PPP3CA: variants seen among roughly 807,000 people sequenced by gnomAD.
PPP3CA encodes CAM-PRP catalytic subunit.
PPP3CA carries 14 observed loss-of-function variants against 66.5 expected under a neutral mutation model. That is an observed-to-expected ratio of 0.21 (90% CI 0.14 to 0.33). The LOEUF is 0.33. PPP3CA is among the 10% of genes least tolerant of loss of function. The pLI is 1.00. For synonymous variants in PPP3CA, 232 were observed against 226.2 expected (o/e 1.03, Z -0.23); for missense variants, 317 against 639.5 (o/e 0.50, Z 5.44).
At chr4:101,167,088 A>G (rs1456462818) in intron 2 of PPP3CA, among the ~76,000 whole-genome samples, 1 of 152,190 alleles carries the variant, frequency 6.6e-6, no homozygotes, top group African/African-American at 2.4e-5. Context: ...TTAACTAAAC[A>G]TGTTGGCATC....
chr4:101,105,475 TAA>T (rs200799334), intron 3 of PPP3CA, among the ~76,000 whole-genome samples: 2 of 141,712 alleles, frequency 1.4e-5, no homozygotes, highest in African/African-American at 2.6e-5. Context: ...CATCTTTACT[TAA>T]AAAAAAAAAA....
At chr4:101,230,194 T>C (rs1159342888) in intron 1 of PPP3CA, among the ~76,000 whole-genome samples, 1 of 151,638 alleles carries the variant, frequency 6.6e-6, no homozygotes, top group African/African-American at 2.4e-5. Flanking sequence ...TAGTCATACG[T>C]CTAGAAATTT....
intron 2 of PPP3CA, among the ~76,000 whole-genome samples, chr4:101,164,004 G>A (rs1009782832): frequency 9.7e-5 from 3 of 30,922 alleles, no homozygotes; most frequent in Non-Finnish European, 1.8e-4. Context: ...TTTTAGAGAC[G>A]AGGTCTTGCT....
chr4:101,199,732 A>G (rs918158646), intron 1 of PPP3CA, among the ~76,000 whole-genome samples: 3 of 152,220 alleles, frequency 2.0e-5, no homozygotes, highest in Admixed American at 2.0e-4. Flanking sequence ...TTGACTGTGG[A>G]AATCCGGCAG....
intron 1 of PPP3CA, among the ~76,000 whole-genome samples, chr4:101,240,117 T>C (rs1016699050): frequency 6.6e-6 from 1 of 152,010 alleles, no homozygotes; most frequent in East Asian, 1.9e-4. Context: ...TTTATTGCTA[T>C]AGTTCTGCAC....
At chr4:101,027,692 T>C (rs979511657) in intron 13 of PPP3CA, among the ~76,000 whole-genome samples, 3 of 152,180 alleles carry the variant, frequency 2.0e-5, no homozygotes, top group African/African-American at 7.2e-5. Flanking sequence ...TAAAAGTTTG[T>C]CATCATTATC....
chr4:101,230,015 CTAGA>C (rs1393421142), intron 1 of PPP3CA, among the ~76,000 whole-genome samples: 1 of 151,590 alleles, frequency 6.6e-6, no homozygotes, highest in Non-Finnish European at 1.5e-5. Context: ...AGAGAGGTGG[CTAGA>C]TAAATACAGT....
intron 3 of PPP3CA, among the ~76,000 whole-genome samples, chr4:101,106,450 A>AG (rs1553925317): frequency 0.019 from 209 of 11,112 alleles, 67 homozygotes; most frequent in African/African-American, 0.08. Context: ...AGAAAGAAAG[A>AG]AAGAGAAAAG....
intron 1 of PPP3CA, among the ~76,000 whole-genome samples, chr4:101,253,803 G>A (rs1386311285): frequency 1.3e-5 from 2 of 151,928 alleles, no homozygotes; most frequent in East Asian, 3.9e-4. Context: ...GAAATGTGTG[G>A]ATATATGAAC....
intron 1 of PPP3CA, among the ~76,000 whole-genome samples, chr4:101,253,856 T>C (rs1726754762): frequency 6.6e-6 from 1 of 151,928 alleles, no homozygotes; most frequent in Admixed American, 6.6e-5. Flanking sequence ...CGATGCTCCT[T>C]AGAAAAGTAG....
intron 2 of PPP3CA, among the ~76,000 whole-genome samples, chr4:101,125,267 C>T (rs1164307226): frequency 6.6e-6 from 1 of 152,202 alleles, no homozygotes; most frequent in Non-Finnish European, 1.5e-5. Context: ...TGGATCTGAG[C>T]TTAAAGGAAG....
chr4:101,095,245 C>T (rs538296304), intron 5 of PPP3CA, among the ~76,000 whole-genome samples: 11 of 152,046 alleles, frequency 7.2e-5, no homozygotes, highest in Non-Finnish European at 1.6e-4. Context: ...TACAGAACTT[C>T]TTTCTGAAAA....
intron 8 of PPP3CA, among the ~76,000 whole-genome samples, chr4:101,068,804 G>T (rs1728788545): frequency 6.6e-6 from 1 of 152,038 alleles, no homozygotes; most frequent in Admixed American, 6.6e-5. Flanking sequence ...TCATGATGGT[G>T]ACAGTATTTG....
At chr4:101,044,254 T>C (rs564983286) in intron 10 of PPP3CA, among the ~76,000 whole-genome samples, 1 of 152,314 alleles carries the variant, frequency 6.6e-6, no homozygotes, top group East Asian at 1.9e-4. Context: ...TCATTAAAAC[T>C]CTTTTTCAAA....
intron 2 of PPP3CA, among the ~76,000 whole-genome samples, chr4:101,185,807 C>T (rs1316977657): frequency 6.6e-6 from 1 of 152,128 alleles, no homozygotes; most frequent in East Asian, 1.9e-4. Context: ...AGGGTCATGG[C>T]CTTAGAACCA....
intron 1 of PPP3CA, among the ~76,000 whole-genome samples, chr4:101,319,624 A>G (rs1042417720): frequency 1.3e-5 from 2 of 152,134 alleles, no homozygotes; most frequent in South Asian, 2.1e-4. Flanking sequence ...ATTCCTTTCA[A>G]TAAGAATCAG....
chr4:101,253,180 G>GA (rs2110246800), intron 1 of PPP3CA, among the ~76,000 whole-genome samples: 1 of 152,278 alleles, frequency 6.6e-6, no homozygotes, highest in East Asian at 1.9e-4. Context: ...ATTTAATGAA[G>GA]TTATTCATGT....
intron 1 of PPP3CA, among the ~76,000 whole-genome samples, chr4:101,344,775 G>A (rs964100434): frequency 1.3e-5 from 2 of 152,166 alleles, no homozygotes; most frequent in Non-Finnish European, 2.9e-5. Flanking sequence ...CCTACATTAA[G>A]AATCCACATC....
chr4:101,190,754 T>G (rs1724574416), intron 2 of PPP3CA, among the ~76,000 whole-genome samples: 1 of 152,132 alleles, frequency 6.6e-6, no homozygotes, highest in African/African-American at 2.4e-5. Flanking sequence ...ATAAACTCTA[T>G]GTCCCAAATA....
Sources: allele counts gnomAD v4.1 joint callset (sites outside exome capture counted in the v4.1 genomes callset), GRCh38; gene constraint gnomAD v4.1.1; transcripts MANE v1.5; gene names NCBI Gene and HGNC (gene_info 2026-07-23, HGNC 2026-07-21).